Variants in BEND6 observed in about 807,000 individuals in gnomAD.
BEND6 encodes the protein BEN domain-containing protein 6.
A neutral mutation model predicts 31.8 loss-of-function variants in BEND6; 24 were observed. The observed-to-expected ratio is 0.75, with a 90% CI of 0.55 to 1.06. The LOEUF (loss-of-function observed/expected upper bound fraction) is 1.06. Ranked by LOEUF, BEND6 falls within the 50% of genes least tolerant of loss-of-function variation. The pLI is 0.00. For missense variants in BEND6, 294 were observed against 327.4 expected (o/e 0.90, Z 0.79); for synonymous variants, 109 against 114.6 (o/e 0.95, Z 0.31).
chr6:56,973,072 C>T (rs934193713), intron 1 of BEND6, among the ~76,000 whole-genome samples: 3 of 152,094 alleles, frequency 2.0e-5, no homozygotes, highest in African/African-American at 4.8e-5. Flanking sequence ...GTGGTGATGA[C>T]GCATTTGACA....
At chr6:56,978,068 C>G (rs11964474) in intron 1 of BEND6, among the ~76,000 whole-genome samples, 2,785 of 151,638 alleles carry the variant, frequency 0.018, 71 homozygotes, top group African/African-American at 0.062. Context: ...AGTTCAAGAC[C>G]AGCCTGGGCA....
intron 1 of BEND6, among the ~76,000 whole-genome samples, chr6:56,978,898 T>C (rs1237114327): frequency 6.6e-6 from 1 of 152,234 alleles, no homozygotes; most frequent in Non-Finnish European, 1.5e-5. Flanking sequence ...GACAAAATTA[T>C]ATACAAGACA....
intron 1 of BEND6, among the ~76,000 whole-genome samples, chr6:56,979,681 T>C (rs1826003756): frequency 6.6e-6 from 1 of 152,236 alleles, no homozygotes. Flanking sequence ...TGTACTATTA[T>C]TAGATTTTGA....
chr6:56,990,893 A>G lies in BEND6; in HGVS notation c.121-1485A>G, dbSNP rs566010220. On this transcript the variant is annotated intron_variant, in intron 2 of 6. Transcript: ENST00000370746. ...GCGTTTACTGGATGCATGACCTTTA[A>G]CAAATGACAGTATCTCTGAATCTAT... 2.8e-4 allele frequency among the ~76,000 whole-genome samples: 43 copies of G among 152,312 alleles called. 1 individual carries two copies. In the South Asian group the frequency reaches 8.3e-3, roughly 29 times the overall value.
At chr6:57,007,106 A>C (rs1827185883) in intron 3 of BEND6, among the ~76,000 whole-genome samples, 1 of 152,130 alleles carries the variant, frequency 6.6e-6, no homozygotes. Flanking sequence ...CCTGGGCAAC[A>C]CAGGGAGACC....
intron 3 of BEND6, among the ~76,000 whole-genome samples, chr6:56,993,214 T>C (rs1231610191): frequency 6.6e-6 from 1 of 152,242 alleles, no homozygotes; most frequent in Non-Finnish European, 1.5e-5. Flanking sequence ...TTCATGTGTT[T>C]ATTTTTTCAA....
intron 1 of BEND6, among the ~76,000 whole-genome samples, chr6:56,964,782 C>G (rs1170784902): frequency 1.3e-5 from 2 of 152,196 alleles, no homozygotes; most frequent in Non-Finnish European, 1.5e-5. Context: ...AGGTGTGAGC[C>G]TCCTCACCTG....
intron 2 of BEND6, 39 bp downstream of exon 2, chr6:56,981,969 G>C (rs774136319): frequency 1.3e-6 from 2 of 1,564,476 alleles, no homozygotes; most frequent in South Asian, 2.4e-5. Flanking sequence ...TTGTTATCTA[G>C]CTCAATCATA....
chr6:57,017,613 T>C (rs1357711198), intron 5 of BEND6, among the ~76,000 whole-genome samples: 1 of 152,200 alleles, frequency 6.6e-6, no homozygotes, highest in Non-Finnish European at 1.5e-5. Context: ...AAGTTTTATA[T>C]CACCAAAAGG....
chr6:57,011,379 T>C (rs1827335560), intron 3 of BEND6, among the ~76,000 whole-genome samples: 1 of 152,106 alleles, frequency 6.6e-6, no homozygotes. Flanking sequence ...ATTGACATGA[T>C]CAGAGGTGCA....
At chr6:56,981,993 T>C in intron 2 of BEND6, 63 bp downstream of exon 2, 2 of 1,504,240 alleles carry the variant, frequency 1.3e-6, no homozygotes, top group South Asian at 1.3e-5. Flanking sequence ...TCATGGTTTC[T>C]TTCATAATTT....
rs12195598 is a variant in BEND6, at chr6:57,005,892, G to A, written c.299-9241G>A. On this transcript the variant is annotated intron_variant, in intron 3 of 6. Coordinates refer to ENST00000370746, the MANE Select transcript of BEND6 (RefSeq NM_152731.3). ...AACATTCTGAAAAAGAAGAATATGA[G>A]TGCCAAACCTGTCAATATTTAGTCA... Among the ~76,000 whole-genome samples the A allele has an allele frequency of 1.0e-2, 1,515 of 152,214 alleles. 13 individuals are homozygous for A. The highest frequency in any genetic ancestry group is 0.017 in the Non-Finnish European group (1,131 of 68,022).
chr6:57,015,449 A>G (rs1033417956), intron 4 of BEND6, 96 bp downstream of exon 4: 34 of 1,134,120 alleles, frequency 3.0e-5, no homozygotes, highest in Non-Finnish European at 4.2e-5. Context: ...TCAGATAACT[A>G]TTGGATAAAA....
At chr6:56,975,147 T>A (rs1322188289) in intron 1 of BEND6, among the ~76,000 whole-genome samples, 5 of 151,808 alleles carry the variant, frequency 3.3e-5, no homozygotes, top group African/African-American at 1.2e-4. Context: ...ATAAAAAAAA[T>A]AAAGGCAAAG....
intron 6 of BEND6, among the ~76,000 whole-genome samples, chr6:57,022,860 A>T (rs1426915271): frequency 6.6e-6 from 1 of 152,058 alleles, no homozygotes. Context: ...AAGAAATTTT[A>T]TACTTTTTTT....
At chr6:56,972,360 G>T (rs1449808521) in intron 1 of BEND6, among the ~76,000 whole-genome samples, 4 of 152,018 alleles carry the variant, frequency 2.6e-5, no homozygotes, top group Non-Finnish European at 4.4e-5. Context: ...CTCCCAAAGT[G>T]CTGGGATTAC....
chr6:56,968,361 C>T (rs1825565038), intron 1 of BEND6, among the ~76,000 whole-genome samples: 1 of 139,502 alleles, frequency 7.2e-6, no homozygotes, highest in Admixed American at 7.4e-5. Flanking sequence ...CACTCTGTCA[C>T]CCAGGCTGGA....
chr6:56,983,524 T>A (rs1325337612), intron 2 of BEND6, among the ~76,000 whole-genome samples: 1 of 152,230 alleles, frequency 6.6e-6, no homozygotes, highest in Non-Finnish European at 1.5e-5. Flanking sequence ...TTTGAAAGTT[T>A]TTTTTAGATT....
At chr6:57,004,436 G>C (rs1827073788) in intron 3 of BEND6, 27 of 584,232 alleles carry the variant, frequency 4.6e-5, no homozygotes, top group Non-Finnish European at 8.2e-5. Context: ...ACCCCAGCTG[G>C]CTGCCCATAG....
Sources: allele counts gnomAD v4.1 joint callset (sites outside exome capture counted in the v4.1 genomes callset), GRCh38; gene constraint gnomAD v4.1.1; transcripts MANE v1.5; gene names NCBI Gene and HGNC (gene_info 2026-07-23, HGNC 2026-07-21).